The following RARB variants were observed in gnomAD, a reference collection of about 807,000 sequenced individuals.
RARB encodes retinoic acid receptor beta, also known as HBV-activated protein.
RARB carries 17 observed loss-of-function variants against 51.9 expected under a neutral mutation model. The observed-to-expected ratio is 0.33, with a 90% CI of 0.22 to 0.49. The LOEUF is 0.49. RARB is among the 20% of genes least tolerant of loss of function. RARB has a pLI of 0.99. For synonymous variants in RARB, 215 were observed against 195.4 expected (o/e 1.10, Z -0.84); for missense variants, 369 against 550.8 (o/e 0.67, Z 3.30).
chr3:25,198,410 A>C (rs1392286690), intron 5 of RARB, among the ~76,000 whole-genome samples: 2 of 152,186 alleles, frequency 1.3e-5, no homozygotes, highest in African/African-American at 4.8e-5. Flanking sequence ...AACCAAAGCA[A>C]AAATGGACAA....
chr3:25,410,310 C>A (rs1402892013), intron 5 of RARB, among the ~76,000 whole-genome samples: 1 of 152,200 alleles, frequency 6.6e-6, no homozygotes, highest in Non-Finnish European at 1.5e-5. Flanking sequence ...TGCCTTTAAA[C>A]CATATCACAA....
chr3:25,539,622 C>A (rs1280130268), intron 3 of RARB, among the ~76,000 whole-genome samples: 6 of 149,664 alleles, frequency 4.0e-5, no homozygotes, highest in East Asian at 3.9e-4. Context: ...TTTTCCCCCC[C>A]ACACTCTCTA....
rs549589966 is a variant in RARB at position 25,454,975 on chromosome 3, G to A, written c.158-6218G>A. ...CTGTGGCAGTGTTTAAGAAAGCTTC[G>A]TCAGTGGGAACTCGGGAATTCTGCT... On this transcript the variant is annotated intron_variant, in intron 1 of 7. Transcript: ENST00000330688. Among the ~76,000 whole-genome samples, 4 of 152,296 alleles carry A rather than the reference G, an allele frequency of 2.6e-5. No individual in the cohort carries two copies. In the East Asian group the frequency reaches 7.7e-4, roughly 29 times the overall value.
intron 2 of RARB, among the ~76,000 whole-genome samples, chr3:25,007,321 C>A (rs930577358): frequency 1.3e-5 from 2 of 152,048 alleles, no homozygotes; most frequent in African/African-American, 4.8e-5. Flanking sequence ...GAACTCAATG[C>A]TAGCTACCAA....
intron 3 of RARB, among the ~76,000 whole-genome samples, chr3:25,552,141 T>C (rs1699876769): frequency 6.6e-6 from 1 of 151,962 alleles, no homozygotes; most frequent in Non-Finnish European, 1.5e-5. Context: ...GTAGTCAAGG[T>C]ACATGGTAGC....
At chr3:24,867,608 G>A (rs80250447) in intron 2 of RARB, among the ~76,000 whole-genome samples, 2,241 of 152,206 alleles carry the variant, frequency 0.015, 42 homozygotes, top group African/African-American at 0.05. Flanking sequence ...AGGGGAGGGA[G>A]CCTTTGGTCT....
In RARB at chr3:25,077,878, C is replaced by A. The variant is rs545711155; in HGVS notation, c.-328+17702C>A. ...TTATTGTGATTCTTCGTAATTGTAG[C>A]CATGTTTTTGGTATAAAGCAGTATC... is the stretch of plus-strand genomic sequence containing the variant. On this transcript the variant is annotated intron_variant, in intron 3 of 11. Coordinates refer to the RARB transcript ENST00000383772. 3.3e-5 allele frequency among the ~76,000 whole-genome samples: 5 copies of A among 152,194 alleles called. No individual in the cohort carries two copies. In the East Asian group the frequency reaches 9.7e-4, roughly 29 times the overall value.
intron 4 of RARB, among the ~76,000 whole-genome samples, chr3:25,133,901 A>C (rs1175240665): frequency 2.0e-5 from 3 of 151,716 alleles, no homozygotes; most frequent in East Asian, 1.9e-4. Flanking sequence ...AGTTAATTAA[A>C]TATTACAGTC....
At chr3:25,298,689 G>T (rs901784389) in intron 5 of RARB, among the ~76,000 whole-genome samples, 1 of 152,120 alleles carries the variant, frequency 6.6e-6, no homozygotes, top group Non-Finnish European at 1.5e-5. Flanking sequence ...GATGCTTGGG[G>T]CCTACTGATT....
intron 3 of RARB, among the ~76,000 whole-genome samples, chr3:25,518,498 T>G (rs1209068354): frequency 8.7e-6 from 1 of 114,582 alleles, no homozygotes; most frequent in Non-Finnish European, 1.7e-5. Context: ...CTCCAGGTAG[T>G]TAGTTATTCA....
chr3:25,171,406 A>G (rs13314583), intron 4 of RARB, among the ~76,000 whole-genome samples: 2 of 135,074 alleles, frequency 1.5e-5, no homozygotes, highest in African/African-American at 5.6e-5. Context: ...ACAATTTTCC[A>G]CCAACCTAAT....
chr3:25,238,873 G>A (rs1482658880), intron 5 of RARB, among the ~76,000 whole-genome samples: 1 of 152,118 alleles, frequency 6.6e-6, no homozygotes, highest in Non-Finnish European at 1.5e-5. Flanking sequence ...CAGCTATTAG[G>A]GAGGCTGAGG....
At chr3:24,868,564 G>T (rs1412454033) in intron 2 of RARB, among the ~76,000 whole-genome samples, 1 of 152,088 alleles carries the variant, frequency 6.6e-6, no homozygotes, top group East Asian at 1.9e-4. Context: ...GAAAAATATA[G>T]TTCAGGCCAT....
chr3:25,593,837 A>G, intron 6 of RARB, 130 bp downstream of exon 6: 8 of 797,204 alleles, frequency 1.0e-5, no homozygotes, highest in Non-Finnish European at 1.6e-5. Context: ...AGCCAGGCAT[A>G]CATGCCTGGT....
At chr3:25,026,908 G>A (rs765479884) in intron 2 of RARB, among the ~76,000 whole-genome samples, 1 of 152,198 alleles carries the variant, frequency 6.6e-6, no homozygotes, top group African/African-American at 2.4e-5. Context: ...GGCATAGATC[G>A]TAGTAAGATG....
intron 4 of RARB, among the ~76,000 whole-genome samples, chr3:25,578,547 TC>T (rs2125302042): frequency 6.6e-6 from 1 of 152,372 alleles, no homozygotes; most frequent in Non-Finnish European, 1.5e-5. Flanking sequence ...GTCCCTCTCT[TC>T]CGTGTCATCT....
At chr3:25,355,985 C>T (rs1486341466) in intron 5 of RARB, among the ~76,000 whole-genome samples, 3 of 151,972 alleles carry the variant, frequency 2.0e-5, no homozygotes, top group Non-Finnish European at 2.9e-5. Flanking sequence ...AGAAAATGCT[C>T]ATATCATTTT....
chr3:25,423,134 A>G (rs542997954), intron 5 of RARB, among the ~76,000 whole-genome samples: 18 of 152,348 alleles, frequency 1.2e-4, no homozygotes, highest in African/African-American at 4.1e-4. Flanking sequence ...AAAAGGTAAC[A>G]TATATTCACA....
Position 24,958,261 on chromosome 3 carries a change from T to G in RARB, c.-380+99509T>G, listed in dbSNP as rs1014507570. 6.5e-3 allele frequency among the ~76,000 whole-genome samples: 752 copies of G among 116,308 alleles called. 19 individuals carry two copies. Among genetic ancestry groups the G allele is most frequent in the African/African-American group, 0.03 (687 of 22,696 alleles). 76.3% of individuals were successfully genotyped at this position (116,308 alleles called of 152,430 possible). On this transcript the variant is annotated intron_variant, in intron 2 of 11. Coordinates refer to the RARB transcript ENST00000383772. ...AGCTTCCTGAGCTGCTCAGGTTTTTTTTTTTTTTTTTTTTTTTTTTTTTTT... is the reference window on the plus strand; with the variant it reads ...AGCTTCCTGAGCTGCTCAGGTTTTTGTTTTTTTTTTTTTTTTTTTTTTTTT...
Sources: gnomAD v4.1 joint callset for allele counts (sites outside exome capture counted in the v4.1 genomes callset) on GRCh38, gnomAD v4.1.1 for gene constraint, MANE v1.5 for transcripts, NCBI Gene and HGNC (gene_info 2026-07-23, HGNC 2026-07-21) for gene names.